PTPRO: variants seen among roughly 807,000 people sequenced by gnomAD.
PTPRO encodes protein tyrosine phosphatase receptor type O.
PTPRO carries 62 observed loss-of-function variants against 145.2 expected under a neutral mutation model. The observed-to-expected ratio is 0.43, with a 90% confidence interval of 0.35 to 0.53. PTPRO has a LOEUF of 0.53. Ranked by LOEUF, PTPRO falls within the 20% of genes least tolerant of loss-of-function variation. The pLI, the probability that PTPRO is intolerant of heterozygous loss-of-function variation, is 0.01. For missense variants in PTPRO, 1,345 were observed against 1,482.7 expected (o/e 0.91, Z 1.53); for synonymous variants, 565 against 514.7 (o/e 1.10, Z -1.32).
At position 15,499,560 on chromosome 12, in the gene PTPRO, T is replaced by C. The variant is rs1942175260; in HGVS notation, c.627T>C (p.Ser209=). ...TFNKSTLVEY[S]GVSHEPKQHR... The stretch of plus-strand genomic sequence containing the variant: ...ATAAAAGTACCCTTGTTGAGTACAG[T>C]GGTGTCAGTCACGAACCCAAACAGC... Residue 209 remains serine, a synonymous_variant, in exon 4 of 27, where the codon AGT becomes AGC. Transcript: ENST00000281171. 2 of 1,613,742 alleles carry C rather than the reference T, an allele frequency of 1.2e-6. No individual in the cohort carries two copies. The highest frequency in any genetic ancestry group is 3.3e-5 in the Admixed American group (2 of 60,004).
At chr12:15,382,272 A>C (rs1938886088) in intron 1 of PTPRO, among the ~76,000 whole-genome samples, 1 of 152,092 alleles carries the variant, frequency 6.6e-6, no homozygotes, top group African/African-American at 2.4e-5. Context: ...AGCCTAGATG[A>C]ATCACTGCAT....
chr12:15,573,653 G>A lies in PTPRO; in HGVS notation c.2829+4155G>A, dbSNP rs544559387. On this transcript the variant is annotated intron_variant, in intron 19 of 26. Transcript: ENST00000281171. ...CTGTTTTAAGTCACAGGCTTAGACT[G>A]TATGTTTTGGACTAACATTTGCTCA... Among the ~76,000 whole-genome samples, 4 of 152,264 alleles carry A rather than the reference G, an allele frequency of 2.6e-5. No homozygotes were observed. The South Asian group carries it at 6.2e-4, about 24-fold the overall frequency.
intron 1 of PTPRO, among the ~76,000 whole-genome samples, chr12:15,415,439 C>T (rs1939924968): frequency 1.3e-5 from 2 of 149,450 alleles, no homozygotes; most frequent in South Asian, 4.2e-4. Flanking sequence ...GGCTGGAGTG[C>T]AGTGGTGCAG....
At chr12:15,330,022 G>A (rs760243925) in intron 1 of PTPRO, among the ~76,000 whole-genome samples, 1 of 152,208 alleles carries the variant, frequency 6.6e-6, no homozygotes, top group Non-Finnish European at 1.5e-5. Flanking sequence ...AGCCACAGGA[G>A]CCAGATCAGG....
intron 10 of PTPRO, among the ~76,000 whole-genome samples, chr12:15,523,662 C>T (rs74969055): frequency 0.017 from 2,582 of 152,196 alleles, 27 homozygotes; most frequent in Non-Finnish European, 0.027. Flanking sequence ...GTAGTCCTAG[C>T]TACTTGGTAG....
chr12:15,472,811 C>T (rs897515419), intron 1 of PTPRO, among the ~76,000 whole-genome samples: 3 of 152,290 alleles, frequency 2.0e-5, no homozygotes, highest in Non-Finnish European at 2.9e-5. Context: ...GGACCTCAGA[C>T]CAAATCAGGG....
At chr12:15,420,951 CT>C (rs1394495130) in intron 1 of PTPRO, among the ~76,000 whole-genome samples, 2 of 152,188 alleles carry the variant, frequency 1.3e-5, no homozygotes, top group Non-Finnish European at 2.9e-5. Flanking sequence ...TGATGATGTA[CT>C]TTTTAAACAC....
chr12:15,394,389 C>A (rs889102916), intron 1 of PTPRO, among the ~76,000 whole-genome samples: 1 of 152,028 alleles, frequency 6.6e-6, no homozygotes, highest in African/African-American at 2.4e-5. Flanking sequence ...TCACATCCAC[C>A]AAACCAGTAG....
intron 4 of PTPRO, 102 bp downstream of exon 4, chr12:15,499,696 A>T: frequency 7.5e-7 from 1 of 1,339,734 alleles, no homozygotes; most frequent in Non-Finnish European, 1.0e-6. Flanking sequence ...CAGAGCAAAG[A>T]AAGAAAATAT....
chr12:15,573,047 T>C (rs551000477), intron 19 of PTPRO, among the ~76,000 whole-genome samples: 1 of 152,288 alleles, frequency 6.6e-6, no homozygotes, highest in Admixed American at 6.5e-5. Context: ...TGTGTATTAG[T>C]CATGGGTTCT....
chr12:15,348,638 T>C (rs1226650034), intron 1 of PTPRO: 4 of 151,998 alleles, frequency 2.6e-5, no homozygotes, highest in African/African-American at 9.7e-5. Flanking sequence ...TACAAAAAAA[T>C]TAACCGGGCG....
intron 1 of PTPRO, among the ~76,000 whole-genome samples, chr12:15,338,504 A>G (rs1866848287): frequency 6.6e-6 from 1 of 152,154 alleles, no homozygotes; most frequent in African/African-American, 2.4e-5. Context: ...CACGTTGTAT[A>G]TTGGACTATA....
chr12:15,364,341 G>T (rs1938296541), intron 1 of PTPRO, among the ~76,000 whole-genome samples: 1 of 152,058 alleles, frequency 6.6e-6, no homozygotes, highest in African/African-American at 2.4e-5. Flanking sequence ...AATTTCCCAG[G>T]TTTTCTTGGC....
intron 1 of PTPRO, among the ~76,000 whole-genome samples, chr12:15,413,351 G>T (rs1278889843): frequency 6.6e-6 from 1 of 152,240 alleles, no homozygotes; most frequent in Admixed American, 6.5e-5. Context: ...ACCCACCTGG[G>T]TTTCTCAAAG....
intron 1 of PTPRO, among the ~76,000 whole-genome samples, chr12:15,428,177 C>T (rs117064692): frequency 6.6e-6 from 1 of 152,104 alleles, no homozygotes; most frequent in Non-Finnish European, 1.5e-5. Flanking sequence ...CTTTTAAGTG[C>T]TTTGGCAAAG....
chr12:15,440,687 C>T (rs1940739019), intron 1 of PTPRO, among the ~76,000 whole-genome samples: 1 of 152,048 alleles, frequency 6.6e-6, no homozygotes, highest in Non-Finnish European at 1.5e-5. Flanking sequence ...ATAGGAAGGC[C>T]CCATCCTTTA....
intron 1 of PTPRO, among the ~76,000 whole-genome samples, chr12:15,479,768 G>A (rs1591638487): frequency 6.6e-6 from 1 of 152,174 alleles, no homozygotes; most frequent in East Asian, 1.9e-4. Flanking sequence ...AAGATTTCAG[G>A]AGGCAGGGAG....
At chr12:15,569,769 A>C (rs1943995777) in intron 19 of PTPRO, among the ~76,000 whole-genome samples, 2 of 152,142 alleles carry the variant, frequency 1.3e-5, no homozygotes, top group Non-Finnish European at 2.9e-5. Context: ...CATCATTGAA[A>C]ACCAGGGAAA....
intron 2 of PTPRO, among the ~76,000 whole-genome samples, chr12:15,485,941 T>C (rs747946470): frequency 6.6e-6 from 1 of 152,220 alleles, no homozygotes; most frequent in Non-Finnish European, 1.5e-5. Flanking sequence ...ATATTTTATA[T>C]GATTTCTTTT....
Sources: allele counts gnomAD v4.1 joint callset (sites outside exome capture counted in the v4.1 genomes callset), GRCh38; gene constraint gnomAD v4.1.1; transcripts MANE v1.5; gene names NCBI Gene and HGNC (gene_info 2026-07-23, HGNC 2026-07-21).